The following DENND2B variants were observed in gnomAD, a reference collection of about 807,000 sequenced individuals.
DENND2B encodes the protein DENN domain containing 2B.
In DENND2B, 32 loss-of-function variants were observed where a neutral mutation model predicts 116.0. That is an observed-to-expected ratio of 0.28 (90% confidence interval 0.21 to 0.37). The LOEUF is 0.37. Ranked by LOEUF, DENND2B falls within the 10% of genes least tolerant of loss-of-function variation. The probability of loss-of-function intolerance (pLI) is 1.00; values close to 1 mark genes in which losing one functional copy is unlikely to be tolerated. For missense variants in DENND2B, 1,276 were observed against 1,477.7 expected (o/e 0.86, Z 2.24); for synonymous variants, 588 against 583.9 (o/e 1.01, Z -0.10).
intron 1 of DENND2B, chr11:8,794,951 C>T (rs2059687542): frequency 6.6e-6 from 1 of 152,274 alleles, no homozygotes. Flanking sequence ...CCAGGCATGT[C>T]CTGTGTAAAT....
At chr11:8,717,617 G>C in intron 5 of DENND2B, 124 bp downstream of exon 5, 1 of 1,226,534 alleles carries the variant, frequency 8.2e-7, no homozygotes, top group Non-Finnish European at 1.1e-6. Context: ...TATGGCCGTA[G>C]ACCCTTTATC....
intron 3 of DENND2B, among the ~76,000 whole-genome samples, chr11:8,728,535 TTA>T (rs1490349390): frequency 2.6e-5 from 4 of 152,172 alleles, no homozygotes; most frequent in Non-Finnish European, 1.5e-5. Context: ...TGTGTATATA[TTA>T]TATATAAATG....
chr11:8,741,114 C>A (rs1440060812), intron 2 of DENND2B, among the ~76,000 whole-genome samples: 1 of 152,218 alleles, frequency 6.6e-6, no homozygotes. Context: ...GCAGCCTCAG[C>A]CCCCAACTGG....
intron 4 of DENND2B, chr11:8,718,611 C>T (rs1194362134): frequency 7.5e-7 from 1 of 1,339,220 alleles, no homozygotes; most frequent in Non-Finnish European, 9.6e-7. Flanking sequence ...TCAACACTCC[C>T]CTTTTGGAAC....
Position 8,779,902 on chromosome 11 carries a change from T to C in DENND2B, c.-25-29177A>G, listed in dbSNP as rs73410018. On this transcript the variant is annotated intron_variant, in intron 1 of 19. Transcript: ENST00000313726. ...GCCTAACTTCCTAAACTCAAAAACATCCCATTGAAATTCCTGGTACTCAAG... is the reference window on the plus strand; with the variant it reads ...GCCTAACTTCCTAAACTCAAAAACACCCCATTGAAATTCCTGGTACTCAAG... Among the ~76,000 whole-genome samples, 907 of 152,266 alleles carry C rather than the reference T, an allele frequency of 6.0e-3. 6 individuals are homozygous for C. The highest frequency in any genetic ancestry group is 0.02 in the African/African-American group (841 of 41,558).
At chr11:8,854,047 T>TTTTTTTTTTG (rs2063110958) in intron 3 of DENND2B, among the ~76,000 whole-genome samples, 2 of 119,394 alleles carry the variant, frequency 1.7e-5, no homozygotes, top group African/African-American at 6.0e-5. Flanking sequence ...TTTTTTTTTT[T>TTTTTTTTTTG]GTAGAGACAG....
chr11:8,875,530 C>T (rs1398610105), upstream of DENND2B, among the ~76,000 whole-genome samples: 1 of 151,262 alleles, frequency 6.6e-6, no homozygotes, highest in African/African-American at 2.4e-5. Context: ...CTTAGCCTCC[C>T]CAGTGGCTGG....
At chr11:8,769,239 CT>C (rs35488456) in intron 1 of DENND2B, among the ~76,000 whole-genome samples, 170 of 142,458 alleles carry the variant, frequency 1.2e-3, no homozygotes, top group Admixed American at 1.5e-3. Flanking sequence ...AAAGCAACTT[CT>C]TTTTTTTTTT....
At chr11:8,754,029 G>GCACACACACACACACACACA (rs60488372) in intron 1 of DENND2B, among the ~76,000 whole-genome samples, 13 of 138,830 alleles carry the variant, frequency 9.4e-5, no homozygotes, top group African/African-American at 2.7e-4. Context: ...CCAAAAGCGC[G>GCACACACACACACACACACA]CACACACACA....
chr11:8,725,100 G>T (rs573334908), intron 4 of DENND2B, among the ~76,000 whole-genome samples: 2 of 152,314 alleles, frequency 1.3e-5, no homozygotes, highest in South Asian at 4.1e-4. Flanking sequence ...ATGAAACTGG[G>T]GCAATGAAAT....
At chr11:8,714,520 C>T in intron 7 of DENND2B, 90 bp downstream of exon 7, 1 of 1,113,228 alleles carries the variant, frequency 9.0e-7, no homozygotes, top group Non-Finnish European at 1.3e-6. Context: ...CCTGGCAGGG[C>T]TCTACCCTCC....
rs373785849 is a variant in DENND2B, at chr11:8,713,982, G to C, written c.1987+16C>G. 6.2e-7 allele frequency: 1 copy of C among 1,613,800 alleles called. No individual in the cohort carries two copies. The highest frequency in any genetic ancestry group is 1.3e-5 in the African/African-American group (1 of 74,948). On this transcript the variant is annotated intron_variant, in intron 8 of 19. Transcript: ENST00000313726. ...CTGCTGGGAGAGCTTCCGTACTCAT[G>C]GGAGCTGTGCCTCACCTTTGAACCT...
At chr11:8,886,243 T>C (rs2063959609) in intron 1 of DENND2B, among the ~76,000 whole-genome samples, 1 of 152,204 alleles carries the variant, frequency 6.6e-6, no homozygotes, top group Non-Finnish European at 1.5e-5. Context: ...CCTAGAAATA[T>C]TCTTCTGAGT....
rs571392424 is a variant in DENND2B at position 8,694,348 on chromosome 11, C to CTT, written c.3380-220_3380-219dup. Among the ~76,000 whole-genome samples the CTT allele has an allele frequency of 7.9e-5, 12 of 152,278 alleles. No homozygotes were observed. The East Asian group carries it at 2.3e-3, about 29-fold the overall frequency. ...TGGTTTTACGCAAGCCACTTAACCT[C>CTT]TTTGGTCTCAATTTCTCTTTAAACA... On this transcript the variant is annotated intron_variant, in intron 19 of 19. Coordinates refer to ENST00000313726, the MANE Select transcript of DENND2B (RefSeq NM_213618.2).
Position 8,696,717 on chromosome 11 carries a change from C to G in DENND2B, c.3053-51G>C, listed in dbSNP as rs1375961201. The G allele has an allele frequency of 3.8e-6, 6 of 1,595,386 alleles. No individual in the cohort carries two copies. The South Asian group carries it at 4.5e-5, about 12-fold the overall frequency. ...GGTTCAGGTCAAGAGCCTGCAAAGC[C>G]TTCCTCAATCTTCCTGGTGTAGTCT... is the stretch of plus-strand genomic sequence containing the variant. On this transcript the variant is annotated intron_variant, in intron 17 of 19. Transcript: ENST00000313726.
At chr11:8,873,207 C>T (rs1268963176), upstream of DENND2B, among the ~76,000 whole-genome samples, 1 of 152,210 alleles carries the variant, frequency 6.6e-6, no homozygotes, top group Non-Finnish European at 1.5e-5. Flanking sequence ...TAAGGAAAGA[C>T]AACTCAACAG....
chr11:8,718,222 G>A, intron 4 of DENND2B: 1 of 879,884 alleles, frequency 1.1e-6, no homozygotes, highest in Non-Finnish European at 1.8e-6. Context: ...GACAAAGCCA[G>A]CAACAAGAGT....
chr11:8,842,258 A>C (rs1297147098), intron 3 of DENND2B, among the ~76,000 whole-genome samples: 1 of 152,196 alleles, frequency 6.6e-6, no homozygotes, highest in Non-Finnish European at 1.5e-5. Flanking sequence ...TACTGATATT[A>C]AGAAGACATT....
intron 1 of DENND2B, among the ~76,000 whole-genome samples, chr11:8,786,288 T>C (rs889127068): frequency 1.3e-5 from 2 of 152,020 alleles, no homozygotes; most frequent in African/African-American, 2.4e-5. Context: ...GTTATAAAAA[T>C]AGCAAGGAAA....
Sources: allele counts gnomAD v4.1 joint callset (sites outside exome capture counted in the v4.1 genomes callset), GRCh38; gene constraint gnomAD v4.1.1; transcripts MANE v1.5; gene names NCBI Gene and HGNC (gene_info 2026-07-23, HGNC 2026-07-21).